Variants in PCDH15 observed in about 807,000 individuals in gnomAD.
PCDH15 encodes protocadherin related 15, also known as protocadherin-15.
PCDH15 carries 129 observed loss-of-function variants against 178.5 expected under a neutral mutation model. The observed-to-expected ratio is 0.72, with a 90% CI of 0.63 to 0.84. PCDH15 has a LOEUF of 0.84. Among genes scored for constraint, PCDH15 ranks in the 40% least tolerant of loss-of-function variants. The probability of loss-of-function intolerance (pLI) is 0.00; values close to 1 mark genes in which losing one functional copy is unlikely to be tolerated. For missense variants in PCDH15, 2,230 were observed against 2,099.9 expected (o/e 1.06, Z -1.21); for synonymous variants, 800 against 732.0 (o/e 1.09, Z -1.50).
intron 1 of PCDH15, among the ~76,000 whole-genome samples, chr10:54,743,349 G>A (rs888393056): frequency 2.0e-4 from 31 of 151,942 alleles, no homozygotes; most frequent in African/African-American, 7.5e-4. Context: ...TAGTATTGAA[G>A]AATATAAAAA....
At chr10:54,831,892 C>G (rs183521156) in intron 3 of PCDH15, among the ~76,000 whole-genome samples, 1 of 151,950 alleles carries the variant, frequency 6.6e-6, no homozygotes, top group African/African-American at 2.4e-5. Flanking sequence ...AAGACAGACA[C>G]GTTAACTTAT....
At chr10:55,095,583 T>C (rs1842429795) in intron 2 of PCDH15, among the ~76,000 whole-genome samples, 1 of 152,072 alleles carries the variant, frequency 6.6e-6, no homozygotes, top group South Asian at 2.1e-4. Context: ...ATTGTAGAGG[T>C]TTTGGAAGAA....
At chr10:54,927,246 C>A (rs1837655781) in intron 2 of PCDH15, among the ~76,000 whole-genome samples, 1 of 151,936 alleles carries the variant, frequency 6.6e-6, no homozygotes. Flanking sequence ...GTATGGTTTT[C>A]AGGAAATATC....
chr10:54,175,183 T>G (rs772156419), intron 13 of PCDH15, among the ~76,000 whole-genome samples: 10 of 152,094 alleles, frequency 6.6e-5, no homozygotes, highest in Non-Finnish European at 1.5e-4. Flanking sequence ...ATCATGACAT[T>G]ATACACACAA....
intron 2 of PCDH15, among the ~76,000 whole-genome samples, chr10:55,434,072 CTTTTCTTTTTTTTT>C (rs1310816498): frequency 1.5e-3 from 129 of 84,006 alleles, no homozygotes; most frequent in African/African-American, 6.5e-3. Flanking sequence ...TTTTTCTTTT[CTTTTCTTTTTTTTT>C]TTTTTTTTTT....
chr10:55,388,044 C>T (rs1272080814), intron 2 of PCDH15, among the ~76,000 whole-genome samples: 1 of 151,998 alleles, frequency 6.6e-6, no homozygotes, highest in Non-Finnish European at 1.5e-5. Flanking sequence ...ATGTGTCAGA[C>T]ACATTATTGT....
chr10:55,084,284 T>C (rs1466273210), intron 2 of PCDH15, among the ~76,000 whole-genome samples: 1 of 151,478 alleles, frequency 6.6e-6, no homozygotes, highest in Non-Finnish European at 1.5e-5. Context: ...AATCCATAAA[T>C]CTCATTTTTG....
chr10:54,797,047 T>C (rs996567114), intron 1 of PCDH15, among the ~76,000 whole-genome samples: 8 of 152,042 alleles, frequency 5.3e-5, no homozygotes, highest in Non-Finnish European at 1.2e-4. Context: ...GGCTTCCTTT[T>C]GAATGATGCA....
chr10:55,222,710 T>TACACACACACAGACACAC (rs1554842351), intron 1 of PCDH15, among the ~76,000 whole-genome samples: 59 of 42,168 alleles, frequency 1.4e-3, no homozygotes, highest in Non-Finnish European at 1.9e-3. Context: ...TATATCTTTA[T>TACACACACACAGACACAC]ACACACACAC....
intron 21 of PCDH15, among the ~76,000 whole-genome samples, chr10:53,965,562 C>A (rs1301106655): frequency 6.6e-6 from 1 of 152,064 alleles, no homozygotes; most frequent in African/African-American, 2.4e-5. Flanking sequence ...GGTGGCAATA[C>A]AATTGAGCAA....
At chr10:53,854,336 T>C (rs541644736) in intron 28 of PCDH15, among the ~76,000 whole-genome samples, 2 of 152,112 alleles carry the variant, frequency 1.3e-5, no homozygotes, top group Non-Finnish European at 2.9e-5. Context: ...AAAATCTATT[T>C]TGAAACAATG....
chr10:54,445,189 AT>A (rs1000593351), intron 3 of PCDH15, among the ~76,000 whole-genome samples: 124 of 150,696 alleles, frequency 8.2e-4, no homozygotes, highest in Admixed American at 1.9e-3. Flanking sequence ...TTTTGCTTTT[AT>A]TTTTTTCTCC....
At position 54,540,787 on chromosome 10, in the gene PCDH15, G is replaced by A. The variant is rs1252415063; in HGVS notation, c.92-12910C>T. Among the ~76,000 whole-genome samples, 4 of 151,996 alleles carry A rather than the reference G, an allele frequency of 2.6e-5. No individual in the cohort carries two copies. In the East Asian group the frequency reaches 5.8e-4, roughly 22 times the overall value. ...AAATACTTTCAAACCAAATAAAGCT[G>A]CACATAAAAAACTTAATCTACCATT... On this transcript the variant is annotated intron_variant, in intron 2 of 37. Coordinates refer to ENST00000644397, the MANE Select transcript of PCDH15 (RefSeq NM_001384140.1).
intron 3 of PCDH15, among the ~76,000 whole-genome samples, chr10:54,507,174 T>A (rs972947254): frequency 1.3e-5 from 2 of 151,904 alleles, no homozygotes; most frequent in South Asian, 4.2e-4. Context: ...CACTTTACTC[T>A]ACGCAAGCAC....
chr10:54,733,928 T>G (rs1402237363), intron 1 of PCDH15, among the ~76,000 whole-genome samples: 1 of 151,532 alleles, frequency 6.6e-6, no homozygotes, highest in African/African-American at 2.4e-5. Context: ...CTTCACATTT[T>G]TTATCAAAAT....
intron 2 of PCDH15, among the ~76,000 whole-genome samples, chr10:55,442,480 ATTAT>A (rs1470731786): frequency 3.1e-5 from 4 of 127,808 alleles, no homozygotes; most frequent in African/African-American, 8.8e-5. Flanking sequence ...TTATATATAT[ATTAT>A]ATATATATAT....
intron 2 of PCDH15, among the ~76,000 whole-genome samples, chr10:55,455,711 C>A (rs1175243164): frequency 1.3e-5 from 2 of 151,734 alleles, no homozygotes; most frequent in Non-Finnish European, 2.9e-5. Flanking sequence ...TTTTTGAGGA[C>A]AATTTGCCTG....
At chr10:54,372,394 T>C (rs1947809899) in intron 4 of PCDH15, among the ~76,000 whole-genome samples, 1 of 151,834 alleles carries the variant, frequency 6.6e-6, no homozygotes, top group East Asian at 1.9e-4. Flanking sequence ...CAACTTTAGC[T>C]CCCTATGCAA....
rs374460828 is a variant in PCDH15 at position 55,281,830 on chromosome 10, A to G, written c.-156+37769T>C. Among the ~76,000 whole-genome samples, 5 of 152,304 alleles carry G rather than the reference A, an allele frequency of 3.3e-5. No individual in the cohort carries two copies. The East Asian group carries it at 7.7e-4, about 24-fold the overall frequency. ...AAATGCCATAACTGTATGTCCAGTTACAGAACCCTGTAATATGATATTTAT... is the reference window on the plus strand; with the variant it reads ...AAATGCCATAACTGTATGTCCAGTTGCAGAACCCTGTAATATGATATTTAT... On this transcript the variant is annotated intron_variant, in intron 1 of 5. Transcript: ENST00000458638.
Sources: gnomAD v4.1 joint callset for allele counts (sites outside exome capture counted in the v4.1 genomes callset) on GRCh38, gnomAD v4.1.1 for gene constraint, MANE v1.5 for transcripts, NCBI Gene and HGNC (gene_info 2026-07-23, HGNC 2026-07-21) for gene names.